The following C10orf90 variants were observed in gnomAD, a reference collection of about 807,000 sequenced individuals.
C10orf90 encodes the protein chromosome 10 open reading frame 90, also known as (E2-independent) E3 ubiquitin-conjugating enzyme FATS.
C10orf90 carries 56 observed loss-of-function variants against 62.5 expected under a neutral mutation model. The observed-to-expected ratio is 0.90, with a 90% CI of 0.72 to 1.12. The LOEUF (loss-of-function observed/expected upper bound fraction) is 1.12. Among genes scored for constraint, C10orf90 ranks in the 50% most tolerant of loss-of-function variants. The probability of loss-of-function intolerance (pLI) is 0.00; values close to 1 mark genes in which losing one functional copy is unlikely to be tolerated. For missense variants in C10orf90, 970 were observed against 880.4 expected (o/e 1.10, Z -1.29); for synonymous variants, 386 against 340.4 (o/e 1.13, Z -1.47).
intron 4 of C10orf90, among the ~76,000 whole-genome samples, chr10:126,497,193 C>T (rs1862107322): frequency 6.6e-6 from 1 of 152,120 alleles, no homozygotes; most frequent in Admixed American, 6.6e-5. Flanking sequence ...GTTCTTGCTG[C>T]TGATGGGAAA....
At chr10:126,545,574 G>A (rs1864472313) in intron 2 of C10orf90, among the ~76,000 whole-genome samples, 1 of 152,032 alleles carries the variant, frequency 6.6e-6, no homozygotes, top group African/African-American at 2.4e-5. Flanking sequence ...GAATCTAGAG[G>A]TAGCAACCTC....
At chr10:126,601,949 C>T (rs969986343) in intron 2 of C10orf90, among the ~76,000 whole-genome samples, 1 of 152,246 alleles carries the variant, frequency 6.6e-6, no homozygotes, top group Non-Finnish European at 1.5e-5. Context: ...GATCTAAATG[C>T]TGCGACTGTC....
chr10:126,463,867 C>A (rs1008872114), intron 5 of C10orf90, among the ~76,000 whole-genome samples: 42 of 152,186 alleles, frequency 2.8e-4, no homozygotes, highest in African/African-American at 9.7e-4. Context: ...AGCACAGCAT[C>A]TGGCATACAG....
intron 5 of C10orf90, among the ~76,000 whole-genome samples, chr10:126,462,539 G>T (rs1860054263): frequency 6.6e-6 from 1 of 152,094 alleles, no homozygotes; most frequent in Admixed American, 6.5e-5. Flanking sequence ...CACTCATTCA[G>T]CAGCATCCAT....
At chr10:126,522,440 T>C (rs544682689) in intron 2 of C10orf90, among the ~76,000 whole-genome samples, 2 of 152,344 alleles carry the variant, frequency 1.3e-5, no homozygotes, top group Non-Finnish European at 2.9e-5. Flanking sequence ...TCTCCTGGGA[T>C]AAAGCCTCAG....
At chr10:126,429,391 G>A (rs1211496993) in intron 8 of C10orf90, among the ~76,000 whole-genome samples, 2 of 152,130 alleles carry the variant, frequency 1.3e-5, no homozygotes, top group Non-Finnish European at 2.9e-5. Context: ...TTCAGTCCCT[G>A]CCACAGTCCA....
chr10:126,584,185 C>T (rs868335549), intron 2 of C10orf90, among the ~76,000 whole-genome samples: 7 of 152,134 alleles, frequency 4.6e-5, no homozygotes, highest in South Asian at 2.1e-4. Context: ...GATGCATTTA[C>T]GTGTCTGCCT....
intron 2 of C10orf90, among the ~76,000 whole-genome samples, chr10:126,542,104 T>A (rs1345743082): frequency 6.6e-6 from 1 of 152,168 alleles, no homozygotes; most frequent in Non-Finnish European, 1.5e-5. Context: ...ACATGAAATG[T>A]CCAGAGTAGG....
chr10:126,517,219 T>A (rs2133929097), intron 2 of C10orf90, among the ~76,000 whole-genome samples: 1 of 152,188 alleles, frequency 6.6e-6, no homozygotes, highest in African/African-American at 2.4e-5. Flanking sequence ...CATAGCAACA[T>A]GAGAAAGTGC....
intron 2 of C10orf90, among the ~76,000 whole-genome samples, chr10:126,638,214 A>G (rs1845990888): frequency 6.6e-6 from 1 of 152,022 alleles, no homozygotes; most frequent in South Asian, 2.1e-4. Context: ...TGAATTCATG[A>G]CTTGGATCTG....
intron 7 of C10orf90, among the ~76,000 whole-genome samples, chr10:126,435,051 A>G (rs1445047514): frequency 6.6e-6 from 1 of 152,216 alleles, no homozygotes; most frequent in African/African-American, 2.4e-5. Context: ...TGTTTCTAAA[A>G]TCACTTCTAG....
intron 2 of C10orf90, among the ~76,000 whole-genome samples, chr10:126,530,542 G>A (rs1267470997): frequency 6.6e-6 from 1 of 151,344 alleles, no homozygotes; most frequent in Non-Finnish European, 1.5e-5. Flanking sequence ...GAAACAGAAA[G>A]TATTAGGACC....
chr10:126,659,552 A>G (rs1358322729), intron 1 of C10orf90, among the ~76,000 whole-genome samples: 1 of 152,116 alleles, frequency 6.6e-6, no homozygotes, highest in Non-Finnish European at 1.5e-5. Flanking sequence ...AATTTGGGAT[A>G]TTTTCCAAGA....
chr10:126,468,082 T>TGC (rs1316693119), intron 4 of C10orf90, among the ~76,000 whole-genome samples: 13 of 143,056 alleles, frequency 9.1e-5, no homozygotes, highest in Non-Finnish European at 1.8e-4. Flanking sequence ...AAGCTAGCTT[T>TGC]TTTTTTTTTT....
chr10:126,669,160 G>A (rs1303056049), intron 1 of C10orf90, among the ~76,000 whole-genome samples: 3 of 152,110 alleles, frequency 2.0e-5, no homozygotes, highest in Non-Finnish European at 4.4e-5. Context: ...TATTCTAATT[G>A]CACACCTTTT....
At chr10:126,433,664 G>A (rs560581664) in intron 7 of C10orf90, among the ~76,000 whole-genome samples, 1 of 152,138 alleles carries the variant, frequency 6.6e-6, no homozygotes, top group East Asian at 1.9e-4. Context: ...TGACCCACAG[G>A]GATTTCACTT....
At position 126,512,288 on chromosome 10, in the gene C10orf90, AGTGT is replaced by A. The variant is rs377341185; in HGVS notation, c.405+1556_405+1559del. 1.2e-3 allele frequency among the ~76,000 whole-genome samples: 167 copies of A among 144,898 alleles called. 3 individuals carry two copies. In the East Asian group the frequency reaches 0.024, roughly 21 times the overall value. ...AGAGAGAGAGAGAAAGAGAGACAGAAGTGTGTGTGTGTGTGTGTGTCTGTGTGTG... is the reference window on the plus strand; with the variant it reads ...AGAGAGAGAGAGAAAGAGAGACAGAAGTGTGTGTGTGTGTGTCTGTGTGTG... On this transcript the variant is annotated intron_variant, in intron 3 of 9. Transcript: ENST00000488181.
chr10:126,650,392 C>T (rs1407199984), intron 1 of C10orf90, among the ~76,000 whole-genome samples: 1 of 152,184 alleles, frequency 6.6e-6, no homozygotes, highest in Non-Finnish European at 1.5e-5. Context: ...CTGATTTAAG[C>T]CTGGTGTCAC....
intron 2 of C10orf90, among the ~76,000 whole-genome samples, chr10:126,552,272 G>A (rs7900031): frequency 0.041 from 6,265 of 152,266 alleles, 402 homozygotes; most frequent in African/African-American, 0.14. Context: ...AATATCTGTT[G>A]AAGGAATGAA....
Sources: allele counts gnomAD v4.1 joint callset (sites outside exome capture counted in the v4.1 genomes callset), GRCh38; gene constraint gnomAD v4.1.1; transcripts MANE v1.5; gene names NCBI Gene and HGNC (gene_info 2026-07-23, HGNC 2026-07-21).